Variants in HYCC2 observed in about 807,000 individuals in gnomAD.
HYCC2 encodes hyccin 2.
At chr2:201,011,263 C>A in the HYCC2 span, 2 of 528,484 alleles carry the variant, frequency 3.8e-6, no homozygotes, top group South Asian at 6.5e-5. Context: ...CTTCTAATAA[C>A]AAACATCCAC....
the HYCC2 span, among the ~76,000 whole-genome samples, chr2:201,035,097 G>C: frequency 6.6e-6 from 1 of 152,094 alleles, no homozygotes; most frequent in Non-Finnish European, 1.5e-5. Context: ...TGCTCCTCTT[G>C]AGGAGTATCT....
At chr2:201,005,618 T>C in the HYCC2 span, among the ~76,000 whole-genome samples, 1 of 152,204 alleles carries the variant, frequency 6.6e-6, no homozygotes, top group African/African-American at 2.4e-5. Context: ...TATCGCCTAG[T>C]TGTGATAGCA....
the HYCC2 span, among the ~76,000 whole-genome samples, chr2:201,002,114 G>GAA: frequency 7.0e-6 from 1 of 141,960 alleles, no homozygotes; most frequent in Non-Finnish European, 1.5e-5. Context: ...AAGTCACCAG[G>GAA]AAAAAAAAAA....
At chr2:201,070,640 G>T in the HYCC2 span, among the ~76,000 whole-genome samples, 1 of 150,494 alleles carries the variant, frequency 6.6e-6, no homozygotes, top group Admixed American at 6.6e-5. Context: ...CAACAACAGC[G>T]AAACTCCGTC....
the HYCC2 span, among the ~76,000 whole-genome samples, chr2:201,059,373 C>T: frequency 6.6e-6 from 1 of 152,070 alleles, no homozygotes; most frequent in Non-Finnish European, 1.5e-5. Flanking sequence ...AACAGGAATC[C>T]AAGTTATAGA....
At chr2:201,056,598 C>T in the HYCC2 span, among the ~76,000 whole-genome samples, 2 of 149,494 alleles carry the variant, frequency 1.3e-5, no homozygotes, top group African/African-American at 2.5e-5. Flanking sequence ...TGCTTGAACC[C>T]GGGAGGCGGA....
At chr2:200,981,988 A>G in the HYCC2 span, 1 of 993,922 alleles carries the variant, frequency 1.0e-6, no homozygotes, top group Non-Finnish European at 1.5e-6. This position sits in a 1 kb window ranked among gnomAD's most constrained non-coding sequence, Gnocchi z 4.5. Flanking sequence ...CAATGGCCCT[A>G]CTATCAACAC....
chr2:201,045,824 T>C, the HYCC2 span, among the ~76,000 whole-genome samples: 1 of 152,190 alleles, frequency 6.6e-6, no homozygotes, highest in Non-Finnish European at 1.5e-5. Flanking sequence ...AAATTTGCCA[T>C]TAATTATCTA....
At chr2:200,986,382 T>C in the HYCC2 span, among the ~76,000 whole-genome samples, 2,379 of 152,322 alleles carry the variant, frequency 0.016, 72 homozygotes, top group African/African-American at 0.054. Context: ...ATATATAACC[T>C]CTTTTAAAGC....
At chr2:201,049,476 G>C in the HYCC2 span, among the ~76,000 whole-genome samples, 3 of 150,582 alleles carry the variant, frequency 2.0e-5, no homozygotes, top group Admixed American at 6.6e-5. Context: ...TCAGCCCCCC[G>C]AGTAGCTGGG....
At chr2:201,044,686 T>TA in the HYCC2 span, among the ~76,000 whole-genome samples, 1 of 152,218 alleles carries the variant, frequency 6.6e-6, no homozygotes, top group African/African-American at 2.4e-5. Flanking sequence ...CTGTACAACA[T>TA]AAGTCTTCAA....
the HYCC2 span, among the ~76,000 whole-genome samples, chr2:201,067,891 ATG>A: frequency 6.6e-6 from 1 of 152,222 alleles, no homozygotes; most frequent in Non-Finnish European, 1.5e-5. Context: ...AGTTTGATTT[ATG>A]GAAAGCAGCT....
chr2:200,992,823 A>G, the HYCC2 span: 1 of 988,394 alleles, frequency 1.0e-6, no homozygotes, highest in Non-Finnish European at 1.6e-6. Context: ...AGGAAGAAAG[A>G]GAAATATTCA....
At chr2:201,023,842 A>C in the HYCC2 span, 1 of 730,620 alleles carries the variant, frequency 1.4e-6, no homozygotes. Context: ...TCCACTTCCT[A>C]CCATATTTTT....
the HYCC2 span, among the ~76,000 whole-genome samples, chr2:201,000,057 C>CAAAAAAAAA: frequency 2.9e-5 from 1 of 34,754 alleles, no homozygotes; most frequent in Non-Finnish European, 5.5e-5. Context: ...GACTCCGTCT[C>CAAAAAAAAA]AAAAAAAAAA....
At chr2:201,067,207 C>T in the HYCC2 span, 2 of 215,976 alleles carry the variant, frequency 9.3e-6, no homozygotes, top group South Asian at 8.3e-5. Flanking sequence ...GTTCGGCTGG[C>T]TAATTCTAAG....
At chr2:201,010,192 T>G in the HYCC2 span, among the ~76,000 whole-genome samples, 1 of 152,070 alleles carries the variant, frequency 6.6e-6, no homozygotes, top group Non-Finnish European at 1.5e-5. Flanking sequence ...TACACACAAC[T>G]TAATTAAAAT....
At chr2:200,985,282 A>C in the HYCC2 span, among the ~76,000 whole-genome samples, 1 of 152,140 alleles carries the variant, frequency 6.6e-6, no homozygotes, top group East Asian at 1.9e-4. Context: ...CTGAACGCCA[A>C]GAAGCTATGA....
chr2:200,997,067 A>T, the HYCC2 span: 2 of 157,430 alleles, frequency 1.3e-5, no homozygotes, highest in Admixed American at 1.3e-4. Flanking sequence ...ACTTCAAGAC[A>T]AACCTGGGCA....
Sources: gnomAD v4.1 joint callset for allele counts (sites outside exome capture counted in the v4.1 genomes callset) on GRCh38, gnomAD v4.1.1 for gene constraint, Gnocchi (gnomAD v3.1) non-coding constraint, MANE v1.5 for transcripts, NCBI Gene and HGNC (gene_info 2026-07-23, HGNC 2026-07-21) for gene names.